The following OXR1 variants were observed in gnomAD, a reference collection of about 807,000 sequenced individuals.
The protein encoded by OXR1 is oxidation resistance protein 1.
OXR1 carries 41 observed loss-of-function variants against 104.6 expected under a neutral mutation model. That is an observed-to-expected ratio of 0.39 (90% CI 0.31 to 0.51). OXR1 has a LOEUF of 0.51. Ranked by LOEUF, OXR1 falls within the 20% of genes least tolerant of loss-of-function variation. The probability of loss-of-function intolerance (pLI) is 0.77; values close to 1 mark genes in which losing one functional copy is unlikely to be tolerated. For synonymous variants in OXR1, 348 were observed against 348.4 expected, an observed-to-expected ratio of 1.00 and a Z score of 0.01; for missense variants, 955 against 1,031.9, an observed-to-expected ratio of 0.93 and a Z score of 1.02.
chr8:106,694,627 A>ATAAAC (rs1217578251), intron 7 of OXR1, among the ~76,000 whole-genome samples: 1 of 109,574 alleles, frequency 9.1e-6, no homozygotes, highest in Non-Finnish European at 1.7e-5. Context: ...TATATTTGAT[A>ATAAAC]TATAAATATA....
chr8:106,617,967 T>C (rs893198395), intron 3 of OXR1: 3 of 980,206 alleles, frequency 3.1e-6, no homozygotes, highest in African/African-American at 1.8e-5. Context: ...TACAGTGAGT[T>C]TCCTGTGTGC....
intron 3 of OXR1, among the ~76,000 whole-genome samples, chr8:106,534,457 A>G (rs1182694062): frequency 6.6e-6 from 1 of 152,242 alleles, no homozygotes; most frequent in Non-Finnish European, 1.5e-5. Flanking sequence ...TAGTTTTTAT[A>G]CTATAAAAGA....
At chr8:106,675,107 T>C (rs1441065022) in intron 3 of OXR1, among the ~76,000 whole-genome samples, 2 of 152,174 alleles carry the variant, frequency 1.3e-5, no homozygotes, top group East Asian at 3.8e-4. Flanking sequence ...AAGTTTAATT[T>C]TCCAGGAAGA....
intron 2 of OXR1, among the ~76,000 whole-genome samples, chr8:106,405,233 G>GTC (rs1306052147): frequency 0.011 from 1,418 of 124,550 alleles, 83 homozygotes; most frequent in African/African-American, 0.047. Flanking sequence ...GTGTGTGTGT[G>GTC]TGTGTGTATA....
intron 2 of OXR1, among the ~76,000 whole-genome samples, chr8:106,449,148 C>T (rs1436194227): frequency 2.6e-5 from 4 of 152,072 alleles, no homozygotes; most frequent in South Asian, 2.1e-4. Flanking sequence ...TTTTGCCTGA[C>T]TTATATTTTA....
chr8:106,289,229 A>G (rs1250936712), intron 1 of OXR1, among the ~76,000 whole-genome samples: 1 of 152,228 alleles, frequency 6.6e-6, no homozygotes, highest in Non-Finnish European at 1.5e-5. Context: ...ATAAGTTATC[A>G]AGCTATCTCT....
At chr8:106,559,584 C>CA (rs1389872369) in intron 3 of OXR1, among the ~76,000 whole-genome samples, 1 of 152,104 alleles carries the variant, frequency 6.6e-6, no homozygotes, top group Non-Finnish European at 1.5e-5. Context: ...ACTGTAAAAC[C>CA]ATAGACTATA....
At chr8:106,520,929 G>T (rs1208935529) in intron 3 of OXR1, among the ~76,000 whole-genome samples, 1 of 152,124 alleles carries the variant, frequency 6.6e-6, no homozygotes, top group Non-Finnish European at 1.5e-5. Flanking sequence ...CTAGAAAATA[G>T]AAGTCTCAAA....
chr8:106,732,986 A>G (rs983605834), intron 11 of OXR1, among the ~76,000 whole-genome samples: 3 of 152,198 alleles, frequency 2.0e-5, no homozygotes, highest in African/African-American at 7.2e-5. Context: ...AGTATTCATC[A>G]GTGAGTCTAT....
At chr8:106,657,737 T>G in intron 3 of OXR1, 9 of 764,972 alleles carry the variant, frequency 1.2e-5, no homozygotes, top group Admixed American at 4.6e-5. Context: ...TCATTTTGCA[T>G]TTAGAAGCCA....
chr8:106,422,964 C>A (rs1235570976), intron 2 of OXR1, among the ~76,000 whole-genome samples: 1 of 152,132 alleles, frequency 6.6e-6, no homozygotes. Flanking sequence ...CCAGGAGAGA[C>A]AATCCCCTGG....
rs1834752176 is a variant in OXR1, at chr8:106,739,690, T to C, written c.2163+107T>C. On this transcript the variant is annotated intron_variant, in intron 13 of 16. Coordinates refer to ENST00000517566, the MANE Select transcript of OXR1 (RefSeq NM_001198533.2). Reference sequence around the variant, plus strand: ...GAAGCAACAGCGTTAATGCTATTACTATTCCACTCCAGTGAAAAGAAAGAG... The same window carrying C: ...GAAGCAACAGCGTTAATGCTATTACCATTCCACTCCAGTGAAAAGAAAGAG... 9 of 1,004,156 alleles carry C rather than the reference T, an allele frequency of 9.0e-6. No homozygotes were observed. The East Asian group carries it at 2.3e-4, about 25-fold the overall frequency. 62.2% of individuals were successfully genotyped at this position (1,004,156 alleles called of 1,614,324 possible).
At chr8:106,493,485 C>G (rs1811227236) in intron 2 of OXR1, among the ~76,000 whole-genome samples, 1 of 149,628 alleles carries the variant, frequency 6.7e-6, no homozygotes, top group Non-Finnish European at 1.5e-5. Context: ...CCCACCAAAT[C>G]AGAACCTCTG....
At chr8:106,399,718 G>T (rs534751296) in intron 2 of OXR1, among the ~76,000 whole-genome samples, 21 of 152,152 alleles carry the variant, frequency 1.4e-4, no homozygotes, top group Admixed American at 3.3e-4. Context: ...TTAAACAGGT[G>T]CTACTATCAT....
At chr8:106,481,019 C>T (rs897695723) in intron 2 of OXR1, among the ~76,000 whole-genome samples, 6 of 152,002 alleles carry the variant, frequency 3.9e-5, no homozygotes, top group Admixed American at 3.9e-4. Flanking sequence ...ACTGTTAGGA[C>T]AGTGTATGGC....
In OXR1 at chr8:106,692,745, A is replaced by G; in HGVS notation, c.543A>G (p.Pro181=). ...AAAAAAAGAATCCTGATGTCCATCCAACAGAAGCAACTCCCTCATCTACTT... is the reference window on the plus strand; with the variant it reads ...AAAAAAAGAATCCTGATGTCCATCCGACAGAAGCAACTCCCTCATCTACTT... The part of the protein sequence containing the change: ...FDKTTNPDVH[P]TEATPSSTFT... The change falls in exon 7 of 17, where the codon CCA becomes CCG. Residue 181 remains proline (P), a synonymous_variant. Transcript: ENST00000517566. 1 of 1,517,334 alleles carries G rather than the reference A, an allele frequency of 6.6e-7. No homozygotes were observed. The highest frequency in any genetic ancestry group is 1.4e-5 in the African/African-American group (1 of 71,204). 94.0% of individuals were successfully genotyped at this position (1,517,334 alleles called of 1,614,324 possible).
intron 3 of OXR1, among the ~76,000 whole-genome samples, chr8:106,569,021 GAC>G (rs1423716905): frequency 3.9e-5 from 6 of 152,072 alleles, no homozygotes; most frequent in Admixed American, 2.0e-4. Context: ...TAACATGCTG[GAC>G]ACAGGGTACG....
At chr8:106,401,442 AT>A (rs1426081775) in intron 2 of OXR1, among the ~76,000 whole-genome samples, 1 of 152,090 alleles carries the variant, frequency 6.6e-6, no homozygotes, top group African/African-American at 2.4e-5. Context: ...AGGGCTCTGA[AT>A]TTTTAAGGGC....
chr8:106,572,508 T>C (rs992961794), intron 3 of OXR1, among the ~76,000 whole-genome samples: 1 of 152,252 alleles, frequency 6.6e-6, no homozygotes, highest in Non-Finnish European at 1.5e-5. Flanking sequence ...TTCTCTCTTC[T>C]TGCATTTTAC....
Sources: allele counts gnomAD v4.1 joint callset (sites outside exome capture counted in the v4.1 genomes callset), GRCh38; gene constraint gnomAD v4.1.1; transcripts MANE v1.5; gene names NCBI Gene and HGNC (gene_info 2026-07-23, HGNC 2026-07-21).